DPYD: variants seen among roughly 807,000 people sequenced by gnomAD.
DPYD encodes dihydropyrimidine dehydrogenase.
In DPYD, 109 loss-of-function variants were observed where a neutral mutation model predicts 116.2. That is an observed-to-expected ratio of 0.94 (90% confidence interval 0.80 to 1.10). The LOEUF (loss-of-function observed/expected upper bound fraction) is 1.10. Ranked by LOEUF, DPYD falls within the 50% of genes least tolerant of loss-of-function variation. DPYD has a pLI of 0.00. For synonymous variants in DPYD, 440 were observed against 432.0 expected, an observed-to-expected ratio of 1.02 and a Z score of -0.23; for missense variants, 1,302 against 1,254.5, an observed-to-expected ratio of 1.04 and a Z score of -0.57.
chr1:97,672,208 C>A (rs1053273143), intron 8 of DPYD, among the ~76,000 whole-genome samples: 1 of 152,100 alleles, frequency 6.6e-6, no homozygotes, highest in Non-Finnish European at 1.5e-5. Context: ...GAGCCACTGT[C>A]AATATTGCTG....
chr1:97,640,804 T>C (rs1479412592), intron 8 of DPYD, among the ~76,000 whole-genome samples: 1 of 151,656 alleles, frequency 6.6e-6, no homozygotes, highest in Non-Finnish European at 1.5e-5. Flanking sequence ...TTCCCCTGGG[T>C]GAAAAAAAAT....
intron 19 of DPYD, among the ~76,000 whole-genome samples, chr1:97,220,841 C>A (rs1660727982): frequency 6.6e-6 from 1 of 152,078 alleles, no homozygotes; most frequent in East Asian, 1.9e-4. Flanking sequence ...TTAACTGTGT[C>A]TTCTCATATT....
chr1:97,703,964 C>G (rs945650241), intron 5 of DPYD, among the ~76,000 whole-genome samples: 1 of 152,042 alleles, frequency 6.6e-6, no homozygotes, highest in Non-Finnish European at 1.5e-5. Flanking sequence ...CTTCAGCACA[C>G]TATTGCACCT....
At chr1:97,283,861 T>G (rs1024288799) in intron 18 of DPYD, among the ~76,000 whole-genome samples, 1 of 152,128 alleles carries the variant, frequency 6.6e-6, no homozygotes, top group African/African-American at 2.4e-5. Flanking sequence ...TCCAAGAGTA[T>G]AAGCCTTGGA....
At chr1:97,616,436 T>C (rs148711064) in intron 8 of DPYD, among the ~76,000 whole-genome samples, 1 of 152,282 alleles carries the variant, frequency 6.6e-6, no homozygotes, top group Non-Finnish European at 1.5e-5. Context: ...AAATTCTTAT[T>C]CAAAATATTA....
chr1:97,231,505 A>G (rs746780774), intron 19 of DPYD, among the ~76,000 whole-genome samples: 7 of 152,196 alleles, frequency 4.6e-5, no homozygotes, highest in Non-Finnish European at 1.0e-4. Flanking sequence ...GAGCATGTGC[A>G]GGGGAACTCC....
intron 14 of DPYD, among the ~76,000 whole-genome samples, chr1:97,416,113 A>T (rs556769473): frequency 6.6e-6 from 1 of 152,292 alleles, no homozygotes; most frequent in Admixed American, 6.5e-5. Flanking sequence ...TTCAGTTCTC[A>T]TTTGTCAGAA....
chr1:97,786,433 G>A (rs1229469392), intron 3 of DPYD, among the ~76,000 whole-genome samples: 1 of 152,090 alleles, frequency 6.6e-6, no homozygotes, highest in Non-Finnish European at 1.5e-5. Flanking sequence ...AAAGCACAAA[G>A]ATAAAATGTG....
intron 1 of DPYD, among the ~76,000 whole-genome samples, chr1:97,912,856 T>C (rs1674023523): frequency 1.3e-5 from 2 of 152,078 alleles, no homozygotes; most frequent in African/African-American, 2.4e-5. Context: ...ATATTTGGCA[T>C]AGAGAAATAT....
At chr1:97,478,530 C>T (rs747683619) in intron 13 of DPYD, among the ~76,000 whole-genome samples, 1 of 152,200 alleles carries the variant, frequency 6.6e-6, no homozygotes, top group Admixed American at 6.5e-5. Flanking sequence ...TCGTGATGCA[C>T]CTGCCTTGGC....
intron 18 of DPYD, among the ~76,000 whole-genome samples, chr1:97,285,112 T>C (rs1418256657): frequency 6.6e-6 from 1 of 152,172 alleles, no homozygotes; most frequent in African/African-American, 2.4e-5. Flanking sequence ...GGTTTTAACT[T>C]TTCCTCCTTG....
At position 97,573,900 on chromosome 1, in the gene DPYD, C is replaced by T. The variant is rs1337490027; in HGVS notation, c.1199G>A (p.Gly400Asp). 5.0e-6 allele frequency: 8 copies of T among 1,613,596 alleles called. No individual in the cohort carries two copies. Among genetic ancestry groups the T allele is most frequent in the African/African-American group, 1.3e-5 (1 of 74,888 alleles). The change falls in exon 11 of 23, where the codon GGT (glycine) becomes GAT (aspartate). Residue 400 changes from glycine to aspartate, a missense_variant. Coordinates refer to ENST00000370192, the MANE Select transcript of DPYD (RefSeq NM_000110.4). ...AAACTGCATAGCAACAATTCTCCCA[C>T]CTTTTACTATAACCTTCCGTGGGGA... Reference protein sequence around the residue: ...FLSPRKVIVKGGRIVAMQFVR... With the variant: ...FLSPRKVIVKDGRIVAMQFVR...
chr1:97,256,414 G>A (rs536182658), intron 18 of DPYD, among the ~76,000 whole-genome samples: 1 of 152,120 alleles, frequency 6.6e-6, no homozygotes, highest in African/African-American at 2.4e-5. Flanking sequence ...GAGGGACCCG[G>A]TGGGAGGTAA....
chr1:97,448,179 T>C (rs1004608848), intron 14 of DPYD, among the ~76,000 whole-genome samples: 1 of 152,024 alleles, frequency 6.6e-6, no homozygotes, highest in Non-Finnish European at 1.5e-5. Flanking sequence ...ATGGCGCCAA[T>C]GTACTCTGGC....
intron 20 of DPYD, among the ~76,000 whole-genome samples, chr1:97,155,007 T>C (rs942953186): frequency 1.3e-5 from 2 of 152,174 alleles, no homozygotes; most frequent in Non-Finnish European, 2.9e-5. Flanking sequence ...ACTTGTGTCA[T>C]TGCAAAAATG....
chr1:97,459,184 G>T lies in DPYD; in HGVS notation c.1741-8961C>A, dbSNP rs531134234. Among the ~76,000 whole-genome samples, 122 of 152,154 alleles carry T rather than the reference G, an allele frequency of 8.0e-4. 1 individual carries two copies. Among genetic ancestry groups the T allele is most frequent in the African/African-American group, 2.9e-3 (122 of 41,546 alleles). On this transcript the variant is annotated intron_variant, in intron 13 of 22. Transcript: ENST00000370192. ...TTCTAGAAATAAAAAAAATAATATG[G>T]AAAATTAAAACCTAATGGTTTGGGG...
At chr1:97,346,426 C>T (rs1196023688) in intron 16 of DPYD, among the ~76,000 whole-genome samples, 1 of 151,798 alleles carries the variant, frequency 6.6e-6, no homozygotes, top group Non-Finnish European at 1.5e-5. Context: ...TCTTCTGTCT[C>T]TTGTTTGTAG....
intron 8 of DPYD, among the ~76,000 whole-genome samples, chr1:97,637,576 C>A (rs1657643800): frequency 6.6e-6 from 1 of 151,852 alleles, no homozygotes; most frequent in South Asian, 2.1e-4. Flanking sequence ...AGAGCTTTGC[C>A]TTAGACCAGG....
At chr1:97,186,773 T>C (rs1658020159) in intron 20 of DPYD, among the ~76,000 whole-genome samples, 1 of 152,070 alleles carries the variant, frequency 6.6e-6, no homozygotes, top group Admixed American at 6.6e-5. Context: ...CGCTTGAATC[T>C]GAGAGGCAGG....
Sources: gnomAD v4.1 joint callset for allele counts (sites outside exome capture counted in the v4.1 genomes callset) on GRCh38, gnomAD v4.1.1 for gene constraint, MANE v1.5 for transcripts, NCBI Gene and HGNC (gene_info 2026-07-23, HGNC 2026-07-21) for gene names.